The following PDLIM1 variants were observed in gnomAD, a reference collection of about 807,000 sequenced individuals.
The protein encoded by PDLIM1 is PDZ and LIM domain 1, also known as PDZ and LIM domain protein 1.
Under a neutral mutation model 35.2 loss-of-function variants are expected in PDLIM1, and 25 were observed. The observed-to-expected ratio is 0.71, with a 90% CI of 0.52 to 0.99. PDLIM1 has a LOEUF of 0.99. Ranked by LOEUF, PDLIM1 falls within the 50% of genes least tolerant of loss-of-function variation. PDLIM1 has a pLI of 0.00. For missense variants in PDLIM1, 363 were observed against 415.3 expected (o/e 0.87, Z 1.09); for synonymous variants, 152 against 154.0 (o/e 0.99, Z 0.10).
intron 4 of PDLIM1, among the ~76,000 whole-genome samples, chr10:95,263,416 G>T (rs185648585): frequency 2.5e-3 from 382 of 152,246 alleles, no homozygotes; most frequent in African/African-American, 8.7e-3. Flanking sequence ...AAACTATGCA[G>T]CATGAAGTAT....
intron 1 of PDLIM1, among the ~76,000 whole-genome samples, chr10:95,274,704 AG>A (rs2035496904): frequency 1.3e-5 from 2 of 152,168 alleles, no homozygotes; most frequent in Admixed American, 1.3e-4. Flanking sequence ...CCTACTCAGC[AG>A]TAAGGTGCAT....
At chr10:95,281,717 C>A (rs2035563188) in intron 1 of PDLIM1, among the ~76,000 whole-genome samples, 1 of 152,166 alleles carries the variant, frequency 6.6e-6, no homozygotes, top group South Asian at 2.1e-4. Flanking sequence ...GTCTTGAACT[C>A]CTGGCCTCAA....
At chr10:95,253,138 C>T (rs1039157837) in intron 4 of PDLIM1, among the ~76,000 whole-genome samples, 3 of 152,022 alleles carry the variant, frequency 2.0e-5, no homozygotes, top group Non-Finnish European at 4.4e-5. Context: ...AGAAAAATGA[C>T]GCCTTATCTA....
intron 1 of PDLIM1, among the ~76,000 whole-genome samples, chr10:95,272,646 A>G (rs1482773063): frequency 6.6e-6 from 1 of 152,194 alleles, no homozygotes; most frequent in Non-Finnish European, 1.5e-5. Flanking sequence ...CCTGGGCAAC[A>G]GAGTGAGATT....
chr10:95,264,403 G>A (rs1368295664), intron 3 of PDLIM1, among the ~76,000 whole-genome samples: 2 of 152,224 alleles, frequency 1.3e-5, no homozygotes, highest in African/African-American at 4.8e-5. Flanking sequence ...GCTAAAACAC[G>A]CTTTCAGGGC....
At chr10:95,254,842 C>A (rs923063578) in intron 4 of PDLIM1, among the ~76,000 whole-genome samples, 28 of 152,032 alleles carry the variant, frequency 1.8e-4, no homozygotes, top group African/African-American at 6.8e-4. Context: ...ATCACTTGAG[C>A]CCAGGAGGCA....
intron 4 of PDLIM1, among the ~76,000 whole-genome samples, chr10:95,256,968 T>A (rs2035315810): frequency 6.5e-5 from 1 of 15,430 alleles, no homozygotes. Context: ...GAATGAGACT[T>A]CATCTTAAAA....
At chr10:95,254,202 T>G (rs1314635894) in intron 4 of PDLIM1, among the ~76,000 whole-genome samples, 2 of 152,146 alleles carry the variant, frequency 1.3e-5, no homozygotes, top group Admixed American at 1.3e-4. Context: ...TACAAAACAG[T>G]ACATTTTAAA....
At chr10:95,250,395 G>C (rs1292651247) in intron 4 of PDLIM1, among the ~76,000 whole-genome samples, 2 of 150,068 alleles carry the variant, frequency 1.3e-5, no homozygotes, top group Admixed American at 1.3e-4. Context: ...AATAATGATA[G>C]TATCTTTAAA....
chr10:95,263,140 G>A (rs2035380522), intron 4 of PDLIM1, among the ~76,000 whole-genome samples: 1 of 135,660 alleles, frequency 7.4e-6, no homozygotes, highest in Non-Finnish European at 1.6e-5. Flanking sequence ...GCGAAAGCTT[G>A]TCTCAAAAAA....
In PDLIM1 at chr10:95,290,882, C is replaced by T; in HGVS notation, c.34G>A (p.Gly12Arg). 2.6e-6 allele frequency: 4 copies of T among 1,564,454 alleles called. No individual in the cohort carries two copies. The highest frequency in any genetic ancestry group is 3.5e-6 in the Non-Finnish European group (4 of 1,155,130). Residue 12 changes from glycine (G) to arginine (R), a missense_variant, in exon 1 of 7, where the codon GGG becomes AGG. By Grantham distance (125) the Gly-to-Arg change is moderately radical. Coordinates refer to ENST00000329399, the MANE Select transcript of PDLIM1 (RefSeq NM_020992.4). The surrounding 1 kb of genome is among the most constrained non-coding windows in gnomAD (Gnocchi z 4.7). ...TTQQIDLQGP[G>R]PWGFRLVGGK... is the part of the protein sequence containing the mutation. ...CCCACGAGGCGGAAGCCCCACGGCCCCGGGCCCTGGAGGTCTATCTGCTGG... is the reference window on the plus strand; with the variant it reads ...CCCACGAGGCGGAAGCCCCACGGCCTCGGGCCCTGGAGGTCTATCTGCTGG...
intron 5 of PDLIM1, 65 bp from the exon 6 acceptor site, chr10:95,238,750 T>G: frequency 3.1e-6 from 3 of 977,416 alleles, no homozygotes; most frequent in Non-Finnish European, 5.0e-6. Flanking sequence ...CACTCAGCTC[T>G]TCAGAACCAC....
intron 3 of PDLIM1, among the ~76,000 whole-genome samples, chr10:95,267,068 T>A (rs1446449150): frequency 4.6e-5 from 7 of 152,184 alleles, no homozygotes; most frequent in Non-Finnish European, 1.0e-4. Context: ...AGTAAAAGAC[T>A]GGAAAAATGA....
At chr10:95,255,957 T>C (rs2035308171) in intron 4 of PDLIM1, among the ~76,000 whole-genome samples, 1 of 141,820 alleles carries the variant, frequency 7.1e-6, no homozygotes, top group Non-Finnish European at 1.6e-5. Flanking sequence ...AATAAATGAA[T>C]TCAGCATAGT....
intron 1 of PDLIM1, among the ~76,000 whole-genome samples, chr10:95,284,787 C>A (rs1261016256): frequency 6.6e-6 from 1 of 152,136 alleles, no homozygotes; most frequent in African/African-American, 2.4e-5. Flanking sequence ...TCCTACAAGA[C>A]CGCTGTGTTC....
At position 95,247,197 on chromosome 10, in the gene PDLIM1, G is replaced by A. The variant is rs1244478511; in HGVS notation, c.685+18C>T. The A allele has an allele frequency of 1.9e-6, 3 of 1,603,332 alleles. No individual in the cohort carries two copies. Among genetic ancestry groups the A allele is most frequent in the Non-Finnish European group, 2.6e-6 (3 of 1,173,746 alleles). On this transcript the variant is annotated intron_variant, in intron 5 of 6. Transcript: ENST00000329399. The stretch of plus-strand genomic sequence containing the variant: ...TGACCTTGAACAAGAGCCTCTGACT[G>A]CAGATGGAGCTGATTACCTTTTTCT...
intron 1 of PDLIM1, among the ~76,000 whole-genome samples, chr10:95,272,670 T>A (rs975110302): frequency 6.6e-6 from 1 of 151,364 alleles, no homozygotes; most frequent in Non-Finnish European, 1.5e-5. Flanking sequence ...TCTCAAAAAA[T>A]AATAATAATA....
In PDLIM1 at chr10:95,250,353, TA is replaced by T. The variant is rs756885820; in HGVS notation, c.534-2988del. On this transcript the variant is annotated intron_variant, in intron 4 of 6. Coordinates refer to ENST00000329399, the MANE Select transcript of PDLIM1 (RefSeq NM_020992.4). ...CACCTTGTGAGGGATTTCTATAATT[TA>T]AAAAAAAAAAAAAACTTACCATTTT... Among the ~76,000 whole-genome samples the T allele has an allele frequency of 6.9e-3, 948 of 138,080 alleles. 2 individuals carry two copies. Among genetic ancestry groups the T allele is most frequent in the African/African-American group, 0.018 (691 of 37,906 alleles). 90.6% of individuals were successfully genotyped at this position (138,080 alleles called of 152,430 possible).
chr10:95,286,866 C>A (rs116628080), intron 1 of PDLIM1, among the ~76,000 whole-genome samples: 1 of 152,200 alleles, frequency 6.6e-6, no homozygotes, highest in East Asian at 1.9e-4. Flanking sequence ...CCAGTCCTAT[C>A]CTGATCCCAG....
Sources: allele counts gnomAD v4.1 joint callset (sites outside exome capture counted in the v4.1 genomes callset), GRCh38; gene constraint gnomAD v4.1.1; non-coding constraint Gnocchi (gnomAD v3.1); transcripts MANE v1.5; gene names NCBI Gene and HGNC (gene_info 2026-07-23, HGNC 2026-07-21).